PRDM16: variants seen among roughly 807,000 people sequenced by gnomAD.
The protein encoded by PRDM16 is histone-lysine N-methyltransferase PRDM16.
Under a neutral mutation model 110.6 loss-of-function variants are expected in PRDM16, and 23 were observed. That is an observed-to-expected ratio of 0.21 (90% confidence interval 0.15 to 0.29). The LOEUF is 0.29. Among genes scored for constraint, PRDM16 ranks in the 10% least tolerant of loss-of-function variants. The probability of loss-of-function intolerance (pLI) is 1.00; values close to 1 mark genes in which losing one functional copy is unlikely to be tolerated. For missense variants in PRDM16, 1,615 were observed against 1,794.3 expected (o/e 0.90, Z 1.81); for synonymous variants, 799 against 781.8 (o/e 1.02, Z -0.37).
intron 2 of PRDM16, among the ~76,000 whole-genome samples, chr1:3,205,687 T>C (rs897328641): frequency 6.6e-5 from 10 of 152,164 alleles, no homozygotes; most frequent in African/African-American, 2.4e-4. Flanking sequence ...AATCTGGTTA[T>C]GAGGGCGGGC....
At chr1:3,097,501 T>C (rs1259001156) in intron 1 of PRDM16, among the ~76,000 whole-genome samples, 1 of 152,164 alleles carries the variant, frequency 6.6e-6, no homozygotes, top group Non-Finnish European at 1.5e-5. Context: ...CCTCATTCCA[T>C]ACAGGCCAGA....
intron 1 of PRDM16, among the ~76,000 whole-genome samples, chr1:3,170,490 C>T (rs1458303849): frequency 6.6e-6 from 1 of 152,192 alleles, no homozygotes; most frequent in Non-Finnish European, 1.5e-5. Flanking sequence ...CAGGGAGGGT[C>T]CTCCTGGCCC....
rs978865906 is a variant in PRDM16 at position 3,190,067 on chromosome 1, C to T, written c.387+3593C>T. Among the ~76,000 whole-genome samples, 2 of 152,076 alleles carry T rather than the reference C, an allele frequency of 1.3e-5. No individual in the cohort carries two copies. The highest frequency in any genetic ancestry group is 2.9e-5 in the Non-Finnish European group (2 of 68,020). ...GGGGAGGGTCAGGGGCTCTTCTCTC[C>T]CTGACATGGGGCCGATGTAGATGAC... On this transcript the variant is annotated intron_variant, in intron 2 of 16. Transcript: ENST00000270722. The surrounding 1 kb of genome is among the most constrained non-coding windows in gnomAD (Gnocchi z 5.0).
chr1:3,116,020 G>C (rs1557458728), intron 1 of PRDM16, among the ~76,000 whole-genome samples: 1 of 152,212 alleles, frequency 6.6e-6, no homozygotes, highest in Non-Finnish European at 1.5e-5. Context: ...GCTCCCCAGG[G>C]GGCGGGGCTC....
Position 3,214,696 on chromosome 1 carries a change from A to G in PRDM16, c.387+28222A>G, listed in dbSNP as rs551969082. On this transcript the variant is annotated intron_variant, in intron 2 of 16. Transcript: ENST00000270722. ...CGCAGGGGCAAGAATGGCTTCAGCTAAGTTAGTATCATCCTCAGAGACAGA... is the reference window on the plus strand; with the variant it reads ...CGCAGGGGCAAGAATGGCTTCAGCTGAGTTAGTATCATCCTCAGAGACAGA... Among the ~76,000 whole-genome samples, 41 of 152,344 alleles carry G rather than the reference A, an allele frequency of 2.7e-4. 1 individual carries two copies. Among genetic ancestry groups the G allele is most frequent in the African/African-American group, 8.7e-4 (36 of 41,582 alleles).
chr1:3,071,458 C>G (rs901651858), intron 1 of PRDM16, among the ~76,000 whole-genome samples: 4 of 152,210 alleles, frequency 2.6e-5, no homozygotes, highest in Non-Finnish European at 2.9e-5. Context: ...GCCCTCTGTC[C>G]ACACTTGGCC....
At chr1:3,405,881 TC>T in intron 8 of PRDM16, among the ~76,000 whole-genome samples, 1 of 152,272 alleles carries the variant, frequency 6.6e-6, no homozygotes. Flanking sequence ...CCTCCACGGC[TC>T]CCCTTGCTTC....
chr1:3,181,346 ACGGTCTT>A (rs1557508808), intron 1 of PRDM16, among the ~76,000 whole-genome samples: 14 of 96,878 alleles, frequency 1.4e-4, no homozygotes, highest in African/African-American at 4.0e-4. Flanking sequence ...AGTCTTACAC[ACGGTCTT>A]ACACACGGTC....
At chr1:3,285,486 C>T (rs917938337) in intron 3 of PRDM16, among the ~76,000 whole-genome samples, 3 of 152,168 alleles carry the variant, frequency 2.0e-5, no homozygotes, top group African/African-American at 4.8e-5. Context: ...AATCTCGGGA[C>T]GGACATGTCC....
Position 3,201,277 on chromosome 1 carries a change from A to C in PRDM16, c.387+14803A>C, listed in dbSNP as rs1638620161. 9.7e-6 allele frequency among the ~76,000 whole-genome samples: 1 copy of C among 103,054 alleles called. No individual in the cohort carries two copies. The highest frequency in any genetic ancestry group is 2.0e-5 in the Non-Finnish European group (1 of 50,246). 67.6% of individuals were successfully genotyped at this position (103,054 alleles called of 152,430 possible). A position where few individuals can be genotyped will look rare whatever the true frequency, so the allele number is the denominator to read the frequency against. On this transcript the variant is annotated intron_variant, in intron 2 of 16. Coordinates refer to ENST00000270722, the MANE Select transcript of PRDM16 (RefSeq NM_022114.4). This position sits in a 1 kb window ranked among gnomAD's most constrained non-coding sequence, Gnocchi z 4.1. ...CAAATGTATTTCTCTTGCCTCTAAA[A>C]TTCGCTTTGTCATGGGATTTAAAAT...
At chr1:3,192,735 T>C (rs1638345083) in intron 2 of PRDM16, among the ~76,000 whole-genome samples, 1 of 152,116 alleles carries the variant, frequency 6.6e-6, no homozygotes. Context: ...CTCCTGGGAC[T>C]CTGCTTCAGT....
Position 3,338,401 on chromosome 1 carries a change from C to T in PRDM16, c.439-46751C>T, listed in dbSNP as rs927283352. On this transcript the variant is annotated intron_variant, in intron 3 of 16. Transcript: ENST00000270722. Reference sequence around the variant, plus strand: ...TATCACAAACACACTGTCCAGGGAGCAAGTGCTCTGTTTACCCTTCAGTTA... The same window carrying T: ...TATCACAAACACACTGTCCAGGGAGTAAGTGCTCTGTTTACCCTTCAGTTA... Among the ~76,000 whole-genome samples the T allele has an allele frequency of 2.0e-5, 3 of 152,326 alleles. 1 individual carries two copies. The South Asian group carries it at 6.2e-4, about 32-fold the overall frequency.
At chr1:3,188,255 C>G (rs899988242) in intron 2 of PRDM16, among the ~76,000 whole-genome samples, 4 of 152,212 alleles carry the variant, frequency 2.6e-5, no homozygotes, top group African/African-American at 9.6e-5. Context: ...AAGGTCTGGA[C>G]TGTGTAATCA....
At chr1:3,277,053 C>T (rs1640602170) in intron 3 of PRDM16, among the ~76,000 whole-genome samples, 1 of 152,130 alleles carries the variant, frequency 6.6e-6, no homozygotes, top group Non-Finnish European at 1.5e-5. Flanking sequence ...GAGCCTCTTG[C>T]ATTTCCCCCA....
chr1:3,404,962 T>A, intron 7 of PRDM16, 76 bp downstream of exon 7: 1 of 1,498,546 alleles, frequency 6.7e-7, no homozygotes, highest in Non-Finnish European at 9.0e-7. Flanking sequence ...CCGTGCTCCC[T>A]ACACCCCCTG....
chr1:3,073,560 G>C (rs1303780427), intron 1 of PRDM16, among the ~76,000 whole-genome samples: 3 of 152,132 alleles, frequency 2.0e-5, no homozygotes, highest in Non-Finnish European at 2.9e-5. Context: ...AGGAAACTTC[G>C]CGAGCGAAGC....
At chr1:3,140,405 G>C (rs920603295) in intron 1 of PRDM16, among the ~76,000 whole-genome samples, 1 of 152,134 alleles carries the variant, frequency 6.6e-6, no homozygotes, top group Non-Finnish European at 1.5e-5. Context: ...CCTTGACGGG[G>C]CTGGGAGGTG....
chr1:3,235,221 A>G (rs1639511090), intron 2 of PRDM16, among the ~76,000 whole-genome samples: 1 of 152,164 alleles, frequency 6.6e-6, no homozygotes, highest in Non-Finnish European at 1.5e-5. Flanking sequence ...AAGCTCTGAG[A>G]CCAGCTCCAG....
At chr1:3,405,196 C>T (rs995864939) in intron 7 of PRDM16, among the ~76,000 whole-genome samples, 8 of 152,304 alleles carry the variant, frequency 5.3e-5, no homozygotes, top group Admixed American at 3.3e-4. Context: ...GCCTCCACCC[C>T]GAGCCCGCCA....
Sources: gnomAD v4.1 joint callset for allele counts (sites outside exome capture counted in the v4.1 genomes callset) on GRCh38, gnomAD v4.1.1 for gene constraint, Gnocchi (gnomAD v3.1) non-coding constraint, MANE v1.5 for transcripts, NCBI Gene and HGNC (gene_info 2026-07-23, HGNC 2026-07-21) for gene names.